FBN1: variants seen among roughly 807,000 people sequenced by gnomAD.
FBN1 encodes fibrillin-1.
In FBN1, 29 loss-of-function variants were observed where a neutral mutation model predicts 365.1. The observed-to-expected ratio is 0.08, with a 90% CI of 0.06 to 0.11. FBN1 has a LOEUF of 0.11. Ranked by LOEUF, FBN1 falls within the 10% of genes least tolerant of loss-of-function variation. The pLI is 1.00. For synonymous variants in FBN1, 1,210 were observed against 1,270.5 expected, an observed-to-expected ratio of 0.95 and a Z score of 1.01; for missense variants, 2,476 against 3,703.2, an observed-to-expected ratio of 0.67 and a Z score of 8.60.
At chr15:48,569,375 G>A (rs2044287767) in intron 6 of FBN1, among the ~76,000 whole-genome samples, 1 of 152,124 alleles carries the variant, frequency 6.6e-6, no homozygotes, top group South Asian at 2.1e-4. Flanking sequence ...TAATGGGAAT[G>A]TAAAATGGTA....
intron 44 of FBN1, among the ~76,000 whole-genome samples, chr15:48,453,676 A>G (rs961967556): frequency 3.9e-5 from 6 of 152,200 alleles, no homozygotes; most frequent in African/African-American, 1.4e-4. Context: ...AATGATGTCA[A>G]CGGAGATTCA....
chr15:48,592,664 A>T (rs1168191102), intron 6 of FBN1, among the ~76,000 whole-genome samples: 3 of 152,328 alleles, frequency 2.0e-5, no homozygotes, highest in Non-Finnish European at 4.4e-5. Context: ...AAAAAAAGTG[A>T]CAGGAAGAAA....
intron 17 of FBN1, among the ~76,000 whole-genome samples, chr15:48,503,370 G>A (rs2043679100): frequency 6.6e-6 from 1 of 151,586 alleles, no homozygotes; most frequent in Non-Finnish European, 1.5e-5. Flanking sequence ...TACGTGGGAT[G>A]TAAACAAAAT....
chr15:48,573,766 C>T (rs1382062282), intron 6 of FBN1, among the ~76,000 whole-genome samples: 1 of 152,220 alleles, frequency 6.6e-6, no homozygotes, highest in Non-Finnish European at 1.5e-5. Context: ...TTTGACTGAG[C>T]CTGCTCCCCC....
At position 48,457,811 on chromosome 15, in the gene FBN1, G is replaced by C. The variant is rs568039496; in HGVS notation, c.5297-1049C>G. Among the ~76,000 whole-genome samples, 7 of 152,198 alleles carry C rather than the reference G, an allele frequency of 4.6e-5. No individual in the cohort carries two copies. The South Asian group carries it at 1.5e-3, about 32-fold the overall frequency. On this transcript the variant is annotated intron_variant, in intron 43 of 65. Transcript: ENST00000316623. ...GGTACTATGACTATTCTAACTAAGA[G>C]ATGAAGCAAGTGAGGCCAAGCCACA... is the stretch of plus-strand genomic sequence containing the variant.
At chr15:48,564,173 C>T (rs1406703752) in intron 6 of FBN1, among the ~76,000 whole-genome samples, 1 of 152,064 alleles carries the variant, frequency 6.6e-6, no homozygotes, top group Non-Finnish European at 1.5e-5. Flanking sequence ...GGCTGCCTCA[C>T]CATAGAACAA....
chr15:48,592,477 T>C (rs540309546), intron 6 of FBN1, among the ~76,000 whole-genome samples: 1 of 152,290 alleles, frequency 6.6e-6, no homozygotes, highest in Admixed American at 6.5e-5. Context: ...CTAGCTTGTA[T>C]TGTCATTGCC....
intron 6 of FBN1, among the ~76,000 whole-genome samples, chr15:48,545,595 A>G (rs919639497): frequency 2.6e-5 from 4 of 152,202 alleles, no homozygotes; most frequent in African/African-American, 9.6e-5. Context: ...TAGTTTGGGA[A>G]CATGAAAAGG....
At chr15:48,572,048 G>A (rs890080083) in intron 6 of FBN1, among the ~76,000 whole-genome samples, 5 of 152,082 alleles carry the variant, frequency 3.3e-5, no homozygotes, top group African/African-American at 9.7e-5. Flanking sequence ...TAGTTTCTTC[G>A]CTACTTCCCA....
intron 46 of FBN1, among the ~76,000 whole-genome samples, chr15:48,448,207 CT>C (rs1162867352): frequency 4.7e-5 from 7 of 148,682 alleles, no homozygotes; most frequent in Admixed American, 4.6e-4. Context: ...AATGGTATTG[CT>C]TTAAAGTAGA....
intron 50 of FBN1, among the ~76,000 whole-genome samples, chr15:48,441,509 A>G (rs1389899331): frequency 1.3e-5 from 2 of 152,180 alleles, no homozygotes; most frequent in Non-Finnish European, 2.9e-5. Context: ...TGTCAGTACA[A>G]TTGTATAAGC....
chr15:48,496,884 A>T (rs1206281511), intron 19 of FBN1, among the ~76,000 whole-genome samples: 1 of 152,180 alleles, frequency 6.6e-6, no homozygotes, highest in Non-Finnish European at 1.5e-5. Context: ...TTTCTGATTA[A>T]GTCTAATAAA....
intron 2 of FBN1, among the ~76,000 whole-genome samples, chr15:48,634,858 C>A (rs1001036861): frequency 2.1e-3 from 58 of 27,596 alleles, no homozygotes; most frequent in East Asian, 6.8e-3. Flanking sequence ...AAAAAAAAAC[C>A]ACACACACAC....
In FBN1 at chr15:48,572,944, C is replaced by A. The variant is rs542596958; in HGVS notation, c.538+23339G>T. 3.3e-5 allele frequency among the ~76,000 whole-genome samples: 5 copies of A among 152,130 alleles called. No homozygotes were observed. The East Asian group carries it at 9.7e-4, about 29-fold the overall frequency. On this transcript the variant is annotated intron_variant, in intron 6 of 65. Coordinates refer to ENST00000316623, the MANE Select transcript of FBN1 (RefSeq NM_000138.5). ...AGAGGCGAAGGGCTCCAAACAGAGACAAGTAGACTAGTTGCGAACATCTGT... is the reference window on the plus strand; with the variant it reads ...AGAGGCGAAGGGCTCCAAACAGAGAAAAGTAGACTAGTTGCGAACATCTGT...
At chr15:48,449,434 G>A (rs1161252699) in intron 45 of FBN1, among the ~76,000 whole-genome samples, 4 of 152,018 alleles carry the variant, frequency 2.6e-5, no homozygotes, top group East Asian at 1.9e-4. Flanking sequence ...AAGTATTCAC[G>A]TCTACACAGG....
intron 6 of FBN1, among the ~76,000 whole-genome samples, chr15:48,583,074 C>T (rs367887110): frequency 6.6e-6 from 1 of 152,356 alleles, no homozygotes. Context: ...CCTTCCTACA[C>T]ATGCCCTTCT....
chr15:48,478,472 G>A (rs539089457), intron 32 of FBN1, among the ~76,000 whole-genome samples: 83 of 152,316 alleles, frequency 5.4e-4, no homozygotes, highest in Admixed American at 1.1e-3. Flanking sequence ...TCCACTTAAT[G>A]GTATGCTTGC....
In FBN1 at chr15:48,474,568, G is replaced by A; in HGVS notation, c.4047C>T (p.Ser1349=). The change falls in exon 33 of 66, where the codon AGC becomes AGT. Residue 1349 remains serine (S), a synonymous_variant. Coordinates refer to ENST00000316623, the MANE Select transcript of FBN1 (RefSeq NM_000138.5). ...CTNTAGSFKC[S]CSPGWIGDGI... ...CATCTCCAATCCACCCGGGACTGCAGCTACATTTGAAGCTTCCTGCTGTAT... is the reference window on the plus strand; with the variant it reads ...CATCTCCAATCCACCCGGGACTGCAACTACATTTGAAGCTTCCTGCTGTAT... The A allele has an allele frequency of 6.2e-7, 1 of 1,614,046 alleles. No homozygotes were observed.
intron 63 of FBN1, among the ~76,000 whole-genome samples, chr15:48,417,820 C>T (rs1360892129): frequency 7.9e-5 from 12 of 152,172 alleles, no homozygotes; most frequent in Non-Finnish European, 1.0e-4. Context: ...TTGGAGAGAA[C>T]ACCCCTGGGC....
Sources: gnomAD v4.1 joint callset for allele counts (sites outside exome capture counted in the v4.1 genomes callset) on GRCh38, gnomAD v4.1.1 for gene constraint, MANE v1.5 for transcripts, NCBI Gene and HGNC (gene_info 2026-07-23, HGNC 2026-07-21) for gene names.